The following GRID2 variants were observed in gnomAD, a reference collection of about 807,000 sequenced individuals.
GRID2 encodes the protein glutamate receptor ionotropic, delta-2.
Under a neutral mutation model 114.8 loss-of-function variants are expected in GRID2, and 33 were observed. That is an observed-to-expected ratio of 0.29 (90% CI 0.22 to 0.38). The LOEUF is 0.38. GRID2 is among the 10% of genes least tolerant of loss of function. The probability of loss-of-function intolerance (pLI) is 1.00; values close to 1 mark genes in which losing one functional copy is unlikely to be tolerated. For missense variants in GRID2, 1,184 were observed against 1,257.7 expected (o/e 0.94, Z 0.89); for synonymous variants, 505 against 449.9 (o/e 1.12, Z -1.55).
intron 4 of GRID2, among the ~76,000 whole-genome samples, chr4:93,116,860 A>G (rs1249433007): frequency 2.6e-5 from 4 of 152,100 alleles, no homozygotes; most frequent in Admixed American, 2.0e-4. Flanking sequence ...AACAATGAAT[A>G]TTAAATAAAG....
chr4:92,849,654 T>G (rs144952322), intron 2 of GRID2, among the ~76,000 whole-genome samples: 1 of 151,940 alleles, frequency 6.6e-6, no homozygotes, highest in Admixed American at 6.6e-5. Flanking sequence ...TTTTAGCTTA[T>G]TAAGCAATCT....
intron 14 of GRID2, among the ~76,000 whole-genome samples, chr4:93,645,877 A>C (rs1043414677): frequency 6.6e-6 from 1 of 152,156 alleles, no homozygotes; most frequent in Non-Finnish European, 1.5e-5. Context: ...TCTATCTTAC[A>C]CTTCCTTTTT....
chr4:92,331,681 C>T (rs1366974859), intron 1 of GRID2, among the ~76,000 whole-genome samples: 1 of 151,966 alleles, frequency 6.6e-6, no homozygotes, highest in Non-Finnish European at 1.5e-5. Context: ...GAGAGCAGAC[C>T]CTATTGAGCC....
At chr4:92,335,651 C>T (rs1727126671) in intron 1 of GRID2, among the ~76,000 whole-genome samples, 1 of 152,016 alleles carries the variant, frequency 6.6e-6, no homozygotes, top group African/African-American at 2.4e-5. Flanking sequence ...CTAAAGTATA[C>T]AATAAAAAGT....
chr4:93,008,624 A>G (rs1031501044), intron 2 of GRID2, among the ~76,000 whole-genome samples: 1 of 151,900 alleles, frequency 6.6e-6, no homozygotes, highest in Non-Finnish European at 1.5e-5. Flanking sequence ...GTGTGTTTTG[A>G]TGGTAGTAGA....
chr4:93,515,314 T>C lies in GRID2; in HGVS notation c.2096T>C (p.Phe699Ser). The C allele has an allele frequency of 6.2e-7, 1 of 1,611,560 alleles. No individual in the cohort carries two copies. The highest frequency in any genetic ancestry group is 1.1e-5 in the South Asian group (1 of 91,042). Residue 699 changes from phenylalanine to serine, a missense_variant, in exon 13 of 16, where the codon TTT (phenylalanine) becomes TCT (serine). Phe to Ser is a radical substitution (Grantham distance 155). Coordinates refer to ENST00000282020, the MANE Select transcript of GRID2 (RefSeq NM_001510.4). ...GTCCGCATGAAAGGACTGAATCCTT[T>C]TGAGAGGGACAGCATGTATTCCCAA... ...EHVRMKGLNPFERDSMYSQMW... is the reference protein window; with the variant it reads ...EHVRMKGLNPSERDSMYSQMW...
At chr4:92,994,514 G>A (rs958554591) in intron 2 of GRID2, among the ~76,000 whole-genome samples, 8 of 151,920 alleles carry the variant, frequency 5.3e-5, no homozygotes, top group Admixed American at 4.6e-4. Flanking sequence ...AGTAGTGATG[G>A]GATTTCACCA....
chr4:93,070,253 G>T (rs1266944776), intron 2 of GRID2, among the ~76,000 whole-genome samples: 1 of 151,980 alleles, frequency 6.6e-6, no homozygotes, highest in East Asian at 1.9e-4. Flanking sequence ...CATAATTGCT[G>T]CTAGCAGGGG....
At chr4:92,566,050 T>G (rs1398569303) in intron 1 of GRID2, among the ~76,000 whole-genome samples, 1 of 151,964 alleles carries the variant, frequency 6.6e-6, no homozygotes, top group African/African-American at 2.4e-5. Flanking sequence ...GAGGTTCATG[T>G]GTTCTTCGCT....
chr4:92,732,759 C>A (rs980113335), intron 2 of GRID2, among the ~76,000 whole-genome samples: 1 of 152,068 alleles, frequency 6.6e-6, no homozygotes, highest in African/African-American at 2.4e-5. Context: ...CTAACAGAAA[C>A]AGGAGAACAT....
At chr4:92,859,392 T>A (rs1366488151) in intron 2 of GRID2, among the ~76,000 whole-genome samples, 1 of 152,152 alleles carries the variant, frequency 6.6e-6, no homozygotes, top group African/African-American at 2.4e-5. Flanking sequence ...AACCAAAAAA[T>A]TCATGTAATT....
intron 2 of GRID2, among the ~76,000 whole-genome samples, chr4:93,072,044 A>G (rs1443804519): frequency 6.6e-6 from 1 of 152,150 alleles, no homozygotes; most frequent in Non-Finnish European, 1.5e-5. Flanking sequence ...CTGACACATA[A>G]AGGTAATTAC....
chr4:92,377,259 A>T (rs1391761665), intron 1 of GRID2, among the ~76,000 whole-genome samples: 1 of 152,124 alleles, frequency 6.6e-6, no homozygotes, highest in Admixed American at 6.5e-5. Flanking sequence ...TCAAGTTCAA[A>T]GTTCCACACA....
At chr4:92,472,296 G>T (rs986014484) in intron 1 of GRID2, among the ~76,000 whole-genome samples, 1 of 152,006 alleles carries the variant, frequency 6.6e-6, no homozygotes, top group African/African-American at 2.4e-5. Context: ...CTATTTCATT[G>T]GATGGCTATA....
chr4:92,458,536 G>T (rs1021013396), intron 1 of GRID2, among the ~76,000 whole-genome samples: 1 of 152,022 alleles, frequency 6.6e-6, no homozygotes, highest in East Asian at 1.9e-4. Context: ...TTTTGTGTTT[G>T]TTTTGTATTC....
At chr4:93,344,662 T>C (rs2149251474) in intron 8 of GRID2, among the ~76,000 whole-genome samples, 1 of 148,376 alleles carries the variant, frequency 6.7e-6, no homozygotes. Flanking sequence ...ATTTACAGTA[T>C]ATTTTTATAA....
In GRID2 at chr4:92,659,091, T is replaced by A. The variant is rs556860797; in HGVS notation, c.244+68805T>A. 1.4e-4 allele frequency among the ~76,000 whole-genome samples: 21 copies of A among 151,060 alleles called. 1 individual carries two copies. In the South Asian group the frequency reaches 3.8e-3, roughly 27 times the overall value. ...TGTCATGTAGATGCAGAAATAAAGA[T>A]GGTTATATTATAAGGAACACAGAGT... On this transcript the variant is annotated intron_variant, in intron 2 of 15. Transcript: ENST00000282020.
intron 5 of GRID2, among the ~76,000 whole-genome samples, chr4:93,209,674 A>G (rs890759275): frequency 4.0e-5 from 6 of 151,860 alleles, no homozygotes; most frequent in Non-Finnish European, 5.9e-5. Flanking sequence ...AAATCACCAA[A>G]CTCTTTTCCA....
chr4:92,436,090 A>G (rs906434376), intron 1 of GRID2, among the ~76,000 whole-genome samples: 1 of 152,176 alleles, frequency 6.6e-6, no homozygotes, highest in South Asian at 2.1e-4. Flanking sequence ...TTCATAGTGA[A>G]AGGAATATTA....
Sources: allele counts gnomAD v4.1 joint callset (sites outside exome capture counted in the v4.1 genomes callset), GRCh38; gene constraint gnomAD v4.1.1; transcripts MANE v1.5; gene names NCBI Gene and HGNC (gene_info 2026-07-23, HGNC 2026-07-21).